IRX2: variants seen among roughly 807,000 people sequenced by gnomAD.
IRX2 encodes the protein iroquois-class homeodomain protein IRX-2.
Under a neutral mutation model 42.9 loss-of-function variants are expected in IRX2, and 26 were observed. The observed-to-expected ratio is 0.61, with a 90% CI of 0.44 to 0.84. The LOEUF (loss-of-function observed/expected upper bound fraction) is 0.84. IRX2 is among the 40% of genes least tolerant of loss of function. The pLI is 0.00. For missense variants in IRX2, 782 were observed against 713.9 expected (o/e 1.10, Z -1.09); for synonymous variants, 424 against 353.9 (o/e 1.20, Z -2.22).
At chr5:2,743,124 C>A (rs112228354), downstream of IRX2, among the ~76,000 whole-genome samples, 2 of 152,248 alleles carry the variant, frequency 1.3e-5, no homozygotes, top group South Asian at 4.1e-4. Context: ...CGCGGCGGCC[C>A]GGCGAGGGGG....
chr5:2,749,305 G>C, intron 2 of IRX2, 77 bp downstream of exon 2: 1 of 1,514,122 alleles, frequency 6.6e-7, no homozygotes, highest in South Asian at 1.3e-5. Flanking sequence ...GGCGGGCAAC[G>C]TCCTCCCCGC....
chr5:2,740,183 G>T, the IRX2 span, among the ~76,000 whole-genome samples: 50 of 128,304 alleles, frequency 3.9e-4, no homozygotes, highest in Admixed American at 7.0e-4. Flanking sequence ...CGTGGCGTGC[G>T]GGGGCGGGGG....
In IRX2 at chr5:2,747,458, G is replaced by C; in HGVS notation, c.*106C>G. 1.1e-6 allele frequency: 1 copy of C among 901,660 alleles called. No homozygotes were observed. The highest frequency in any genetic ancestry group is 1.8e-6 in the Non-Finnish European group (1 of 557,480). The allele number at this position is 901,660 out of a possible 1,614,324, so 55.9% of individuals were successfully genotyped here. A position where few individuals can be genotyped will look rare whatever the true frequency, so the allele number is the denominator to read the frequency against. On this transcript the variant is annotated 3_prime_UTR_variant, in exon 4 of 4. Coordinates refer to ENST00000302057, the MANE Select transcript of IRX2 (RefSeq NM_033267.5). Reference sequence around the variant, plus strand: ...GAAATGCTCTGTCTTCTAACCCCATGACCAGAAGCAAGAAAAACACATTAA... The same window carrying C: ...GAAATGCTCTGTCTTCTAACCCCATCACCAGAAGCAAGAAAAACACATTAA...
At chr5:2,738,479 A>G in the IRX2 span, among the ~76,000 whole-genome samples, 1 of 152,136 alleles carries the variant, frequency 6.6e-6, no homozygotes, top group Non-Finnish European at 1.5e-5. Context: ...GGTACCAAGG[A>G]GCCTGATTCG....
At chr5:2,738,123 C>T in the IRX2 span, among the ~76,000 whole-genome samples, 3 of 152,228 alleles carry the variant, frequency 2.0e-5, no homozygotes, top group Non-Finnish European at 4.4e-5. Context: ...ATTTGAGGGT[C>T]TAGCTCCTGC....
chr5:2,739,873 A>T, the IRX2 span, among the ~76,000 whole-genome samples: 1 of 152,112 alleles, frequency 6.6e-6, no homozygotes, highest in Non-Finnish European at 1.5e-5. Context: ...TCAGGGCGGG[A>T]GGAACCCGAT....
Position 2,751,085 on chromosome 5 carries a change from C to T in IRX2, c.249+80G>A. On this transcript the variant is annotated intron_variant, in intron 1 of 3. Transcript: ENST00000302057. The surrounding 1 kb of genome is among the most constrained non-coding windows in gnomAD (Gnocchi z 4.0). ...CACATTCCCGGCGGCCCCCGCCCGC[C>T]GAACCCGAGCCCCGCTCCGCCTGAG... 8.4e-7 allele frequency: 1 copy of T among 1,188,310 alleles called. No individual in the cohort carries two copies. The highest frequency in any genetic ancestry group is 1.0e-6 in the Non-Finnish European group (1 of 959,764). The allele number at this position is 1,188,310 out of a possible 1,614,324, so 73.6% of individuals were successfully genotyped here.
At chr5:2,741,402 C>T (rs1466595259), downstream of IRX2, among the ~76,000 whole-genome samples, 2 of 151,092 alleles carry the variant, frequency 1.3e-5, no homozygotes, top group Non-Finnish European at 3.0e-5. Flanking sequence ...AAAAAAAAAG[C>T]CCACTGTTAG....
chr5:2,742,435 A>G (rs997416017), downstream of IRX2, among the ~76,000 whole-genome samples: 5 of 152,224 alleles, frequency 3.3e-5, no homozygotes, highest in African/African-American at 7.2e-5. Flanking sequence ...TTGAAAATAC[A>G]TCAAAGGGAC....
Position 2,749,032 on chromosome 5 carries a change from A to G in IRX2, c.676T>C (p.Ser226Pro), listed in dbSNP as rs1306260738. ...EDEGISLHVD[S>P]LTDHSCSAES... ...GCCGAGCACGAGTGATCCGTGAGCG[A>G]GTCCACGTGCAGGCTGATCCCTGTG... The change falls in exon 3 of 4, where the codon TCG becomes CCG. Residue 226 changes from serine (S) to proline (P), a missense_variant. Physicochemically the swap from Ser to Pro is moderately conservative, Grantham distance 74 (BLOSUM62 -1). Around this residue, in one of 3 missense-constraint regions of IRX2, gnomAD observed 520 missense variants for 437.8 expected, o/e 1.19. Coordinates refer to ENST00000302057, the MANE Select transcript of IRX2 (RefSeq NM_033267.5). 6.3e-7 allele frequency: 1 copy of G among 1,596,772 alleles called. No homozygotes were observed. Among genetic ancestry groups the G allele is most frequent in the Non-Finnish European group, 8.5e-7 (1 of 1,179,134 alleles).
chr5:2,751,286 G>C lies in IRX2; in HGVS notation c.128C>G (p.Ser43Trp). 1 of 1,430,332 alleles carries C rather than the reference G, an allele frequency of 7.0e-7. No individual in the cohort carries two copies. Among genetic ancestry groups the C allele is most frequent in the South Asian group, 1.3e-5 (1 of 74,694 alleles). 88.6% of individuals were successfully genotyped at this position (1,430,332 alleles called of 1,614,324 possible). A position where few individuals can be genotyped will look rare whatever the true frequency, so the allele number is the denominator to read the frequency against. Residue 43 changes from serine to tryptophan, a missense_variant, in exon 1 of 4, where the codon TCG (serine) becomes TGG (tryptophan). Physicochemically the swap from Ser to Trp is radical, Grantham distance 177. This residue lies in a region of IRX2 where 256 missense variants were observed against 250.0 expected (regional missense o/e 1.02). Coordinates refer to ENST00000302057, the MANE Select transcript of IRX2 (RefSeq NM_033267.5). The surrounding 1 kb of genome is among the most constrained non-coding windows in gnomAD (Gnocchi z 4.0). ...SEELARSASG[S>W]AFSPYPGSAA... ...CGAGCCCGGGTAGGGGCTGAACGCC[G>C]AGCCCGACGCCGAGCGCGCCAGCTC...
chr5:2,736,082 G>A, the IRX2 span, among the ~76,000 whole-genome samples: 5 of 152,054 alleles, frequency 3.3e-5, no homozygotes, highest in Admixed American at 1.3e-4. Flanking sequence ...ATCAGCCCAC[G>A]CCATGGGTTC....
chr5:2,742,464 G>A (rs1352674885), downstream of IRX2, among the ~76,000 whole-genome samples: 1 of 152,186 alleles, frequency 6.6e-6, no homozygotes, highest in Non-Finnish European at 1.5e-5. Flanking sequence ...CTTGCGATTT[G>A]TAGAAATTCA....
rs932758240 is a variant in IRX2 at position 2,746,632 on chromosome 5, A to T, written c.*932T>A. 1 of 152,562 alleles carries T rather than the reference A, an allele frequency of 6.6e-6. No individual in the cohort carries two copies. The highest frequency in any genetic ancestry group is 1.5e-5 in the Non-Finnish European group (1 of 68,042). 9.5% of individuals were successfully genotyped at this position (152,562 alleles called of 1,614,324 possible). On this transcript the variant is annotated 3_prime_UTR_variant, in exon 4 of 4. Transcript: ENST00000302057. ...CAATTGTTAGAGTCTGTGGGCTGAC[A>T]GTGCTGTGTGGATCCTTCTCTTTTA... is the stretch of plus-strand genomic sequence containing the variant.
chr5:2,740,065 A>AG, the IRX2 span, among the ~76,000 whole-genome samples: 1 of 152,024 alleles, frequency 6.6e-6, no homozygotes. Context: ...TTCCCCTATA[A>AG]GGAGGCTTCG....
intron 2 of IRX2, 145 bp from the exon 3 acceptor site, chr5:2,749,197 A>G: frequency 1.4e-6 from 2 of 1,459,574 alleles, no homozygotes; most frequent in South Asian, 1.4e-5. Flanking sequence ...GCGGAGCCTG[A>G]CCTCCCCGGG....
chr5:2,751,216 C>A lies in IRX2; in HGVS notation c.198G>T (p.Leu66=). The part of the protein sequence containing the change: ...AQAATGFGSP[L]QYSADAAAAA... The stretch of plus-strand genomic sequence containing the variant: ...CGGCGGCGGCGTCGGCCGAGTACTG[C>A]AGCGGGCTCCCGAAGCCGGTGGCCG... The change falls in exon 1 of 4, where the codon CTG becomes CTT. Residue 66 remains leucine (L), a synonymous_variant. Transcript: ENST00000302057. This position sits in a 1 kb window ranked among gnomAD's most constrained non-coding sequence, Gnocchi z 4.0. 7.4e-7 allele frequency: 1 copy of A among 1,353,354 alleles called. No homozygotes were observed. Among genetic ancestry groups the A allele is most frequent in the Non-Finnish European group, 9.5e-7 (1 of 1,053,724 alleles). 83.8% of individuals were successfully genotyped at this position (1,353,354 alleles called of 1,614,324 possible).
In IRX2 at chr5:2,747,323, T is replaced by A. The variant is rs549708752; in HGVS notation, c.*241A>T. 878 of 335,864 alleles carry A rather than the reference T, an allele frequency of 2.6e-3. 11 individuals are homozygous for A. The highest frequency in any genetic ancestry group is 0.015 in the Middle Eastern group (17 of 1,164). 20.8% of individuals were successfully genotyped at this position (335,864 alleles called of 1,614,324 possible). On this transcript the variant is annotated 3_prime_UTR_variant, in exon 4 of 4. Transcript: ENST00000302057. ...CACACACACATATATATATATATTT[T>A]TTTTTTCCTTCCCTAGGTAAAGGAG...
chr5:2,748,256 G>A, intron 3 of IRX2, 89 bp downstream of exon 3: 2 of 1,219,884 alleles, frequency 1.6e-6, no homozygotes, highest in Non-Finnish European at 2.1e-6. Context: ...TCTTCTTCCC[G>A]GACCCTCCCT....
Sources: gnomAD v4.1 joint callset for allele counts (sites outside exome capture counted in the v4.1 genomes callset) on GRCh38, gnomAD v4.1.1 for gene constraint, gnomAD v4.1.1 regional missense constraint, Gnocchi (gnomAD v3.1) non-coding constraint, MANE v1.5 for transcripts, NCBI Gene and HGNC (gene_info 2026-07-23, HGNC 2026-07-21) for gene names.